Variants in POU2F2 observed in about 807,000 individuals in gnomAD.
POU2F2 encodes the protein POU domain, class 2, transcription factor 2.
In POU2F2, 14 loss-of-function variants were observed where a neutral mutation model predicts 63.5. That is an observed-to-expected ratio of 0.22 (90% confidence interval 0.15 to 0.34). The LOEUF is 0.34. Among genes scored for constraint, POU2F2 ranks in the 10% least tolerant of loss-of-function variants. The pLI, the probability that POU2F2 is intolerant of heterozygous loss-of-function variation, is 1.00. For synonymous variants in POU2F2, 306 were observed against 348.6 expected, an observed-to-expected ratio of 0.88 and a Z score of 1.36; for missense variants, 607 against 815.2, an observed-to-expected ratio of 0.74 and a Z score of 3.11.
At position 42,152,145 on chromosome 19, in the gene POU2F2, C is replaced by T. The variant is rs532620707; in HGVS notation, c.-9+8187G>A. Among the ~76,000 whole-genome samples, 7 of 152,272 alleles carry T rather than the reference C, an allele frequency of 4.6e-5. No individual in the cohort carries two copies. In the East Asian group the frequency reaches 7.7e-4, roughly 17 times the overall value. Reference sequence around the variant, plus strand: ...CACCCAGCCTGACTGTGGGGCGCAACGGGTAGCTGAGGCAATGAACAGCTG... The same window carrying T: ...CACCCAGCCTGACTGTGGGGCGCAATGGGTAGCTGAGGCAATGAACAGCTG... On this transcript the variant is annotated intron_variant, in intron 2 of 6. Transcript: ENST00000524801. This position sits in a 1 kb window ranked among gnomAD's most constrained non-coding sequence, Gnocchi z 4.1.
At chr19:42,103,201 T>C (rs1451617822) in intron 5 of POU2F2, among the ~76,000 whole-genome samples, 1 of 152,044 alleles carries the variant, frequency 6.6e-6, no homozygotes, top group African/African-American at 2.4e-5. Flanking sequence ...TGGCCTGGCC[T>C]CCCCTTATCA....
At chr19:42,116,917 G>A in intron 5 of POU2F2, 4 of 534,676 alleles carry the variant, frequency 7.5e-6, no homozygotes, top group Admixed American at 2.3e-5. Flanking sequence ...GGCAGCGGCG[G>A]CACTGGACTG....
At chr19:42,188,897 A>G (rs1157895186) in intron 1 of POU2F2, among the ~76,000 whole-genome samples, 1 of 113,058 alleles carries the variant, frequency 8.8e-6, no homozygotes, top group East Asian at 2.7e-4. Flanking sequence ...GAAGGGAGGA[A>G]GAGAAGAGAG....
At chr19:42,116,784 T>C in intron 5 of POU2F2, 1 of 359,268 alleles carries the variant, frequency 2.8e-6, no homozygotes, top group South Asian at 2.0e-5. Flanking sequence ...GCTGTGGTGG[T>C]GGCAGGTCAC....
In POU2F2 at chr19:42,162,224, T is replaced by C. The variant is rs2034565911; in HGVS notation, c.-69-1832A>G. Among the ~76,000 whole-genome samples the C allele has an allele frequency of 6.6e-6, 1 of 152,100 alleles. No individual in the cohort carries two copies. Among genetic ancestry groups the C allele is most frequent in the South Asian group, 2.1e-4 (1 of 4,830 alleles). On this transcript the variant is annotated intron_variant, in intron 1 of 6. Coordinates refer to the POU2F2 transcript ENST00000524801. This position sits in a 1 kb window ranked among gnomAD's most constrained non-coding sequence, Gnocchi z 4.1. ...CTGCTACCTGGGGCTGTGGTGCCCA[T>C]AGGCAGCACCATCCCTGGCATATCT...
chr19:42,181,570 A>ATT (rs1568426839), intron 1 of POU2F2, among the ~76,000 whole-genome samples: 4 of 88,684 alleles, frequency 4.5e-5, no homozygotes, highest in African/African-American at 2.2e-4. Context: ...GTCTGAACAT[A>ATT]CATTTATTTA....
At chr19:42,143,122 T>A (rs1057270944) in intron 2 of POU2F2, among the ~76,000 whole-genome samples, 1 of 152,054 alleles carries the variant, frequency 6.6e-6, no homozygotes, top group Non-Finnish European at 1.5e-5. Context: ...TCTCAGCACT[T>A]TGGGAGACTG....
At chr19:42,194,717 C>T (rs1261554526) in intron 1 of POU2F2, among the ~76,000 whole-genome samples, 1 of 125,942 alleles carries the variant, frequency 7.9e-6, no homozygotes, top group Non-Finnish European at 1.6e-5. Context: ...CGAAATCACG[C>T]CACTGAAGTC....
chr19:42,178,128 G>A (rs2034918017), upstream of POU2F2, among the ~76,000 whole-genome samples: 1 of 151,958 alleles, frequency 6.6e-6, no homozygotes, highest in Non-Finnish European at 1.5e-5. Flanking sequence ...GAAATATAGA[G>A]ACACAGGAAC....
intron 4 of POU2F2, among the ~76,000 whole-genome samples, chr19:42,121,437 G>A (rs1190041236): frequency 1.3e-5 from 2 of 152,134 alleles, no homozygotes; most frequent in Non-Finnish European, 1.5e-5. Flanking sequence ...GAGAGGGGAA[G>A]TGACTTTCCC....
At chr19:42,189,708 G>A (rs1044938791) in intron 1 of POU2F2, among the ~76,000 whole-genome samples, 14 of 152,118 alleles carry the variant, frequency 9.2e-5, no homozygotes, top group African/African-American at 1.2e-4. Context: ...GGAAGGTAGA[G>A]GTTTTTTTGA....
In POU2F2 at chr19:42,099,761, G is replaced by T. The variant is rs761440487; in HGVS notation, c.430C>A (p.Pro144Thr). The T allele has an allele frequency of 3.8e-6, 6 of 1,589,602 alleles. No individual in the cohort carries two copies. Among genetic ancestry groups the T allele is most frequent in the Non-Finnish European group, 5.1e-6 (6 of 1,166,764 alleles). The change falls in exon 6 of 15, where the codon CCA becomes ACA. Residue 144 changes from proline to threonine, a missense_variant. Pro to Thr is a conservative substitution (Grantham distance 38). Transcript: ENST00000692977. ...TGCGGTAGCAGGAACTGAGCAGGTGGCTGGAGGTGGTGGCCTGGCACAAGC... is the reference window on the plus strand; with the variant it reads ...TGCGGTAGCAGGAACTGAGCAGGTGTCTGGAGGTGGTGGCCTGGCACAAGC... Reference protein sequence around the residue: ...LVLVPGHHLQPPAQFLLPQAQ... With the variant: ...LVLVPGHHLQTPAQFLLPQAQ...
intron 1 of POU2F2, among the ~76,000 whole-genome samples, chr19:42,164,178 G>A (rs887364695): frequency 6.6e-6 from 1 of 152,010 alleles, no homozygotes; most frequent in East Asian, 1.9e-4. Context: ...TGTAATCCCA[G>A]CTACTCAGGA....
chr19:42,131,617 A>G (rs2033736879), intron 1 of POU2F2, among the ~76,000 whole-genome samples: 1 of 152,256 alleles, frequency 6.6e-6, no homozygotes, highest in African/African-American at 2.4e-5. Context: ...CACCTTGTAC[A>G]GTGCCTGGTG....
chr19:42,160,830 T>C (rs1272740205), intron 1 of POU2F2, among the ~76,000 whole-genome samples: 1 of 152,222 alleles, frequency 6.6e-6, no homozygotes, highest in East Asian at 1.9e-4. Flanking sequence ...AAAGGACTGC[T>C]ACGAGGAACA....
upstream of POU2F2, among the ~76,000 whole-genome samples, chr19:42,176,621 TCAC>T (rs1410181746): frequency 6.6e-6 from 1 of 151,818 alleles, no homozygotes; most frequent in Non-Finnish European, 1.5e-5. Context: ...CTCTCCCTCT[TCAC>T]CTCCTCTCCG....
intron 2 of POU2F2, among the ~76,000 whole-genome samples, chr19:42,154,354 A>C (rs1226868771): frequency 1.3e-5 from 2 of 151,996 alleles, no homozygotes; most frequent in Non-Finnish European, 2.9e-5. Context: ...GATGAAAGAG[A>C]CTGGAAGGGA....
chr19:42,187,004 G>A (rs2035019325), intron 1 of POU2F2, among the ~76,000 whole-genome samples: 2 of 152,212 alleles, frequency 1.3e-5, no homozygotes, highest in Admixed American at 6.5e-5. Flanking sequence ...TTGGGATACA[G>A]TTGTGTGCAG....
chr19:42,144,012 C>T (rs766875116), intron 2 of POU2F2, among the ~76,000 whole-genome samples: 2 of 152,200 alleles, frequency 1.3e-5, no homozygotes, highest in African/African-American at 4.8e-5. Flanking sequence ...TATGCCAGCA[C>T]AGGGAGCATG....
Sources: gnomAD v4.1 joint callset for allele counts (sites outside exome capture counted in the v4.1 genomes callset) on GRCh38, gnomAD v4.1.1 for gene constraint, Gnocchi (gnomAD v3.1) non-coding constraint, MANE v1.5 for transcripts, NCBI Gene and HGNC (gene_info 2026-07-23, HGNC 2026-07-21) for gene names.